Variants in PLPP4 observed in about 807,000 individuals in gnomAD.
PLPP4 encodes diacylglycerol pyrophosphate like 2.
In PLPP4, 20 loss-of-function variants were observed where a neutral mutation model predicts 32.2. The ratio of observed to expected loss-of-function variants is 0.62; its 90% confidence interval spans 0.44 to 0.90. The LOEUF is 0.90. Ranked by LOEUF, PLPP4 falls within the 40% of genes least tolerant of loss-of-function variation. The pLI is 0.00. For missense variants in PLPP4, 257 were observed against 353.1 expected (o/e 0.73, Z 2.18); for synonymous variants, 127 against 133.0 (o/e 0.95, Z 0.31).
chr10:120,543,381 CT>C (rs1252397435), intron 5 of PLPP4, among the ~76,000 whole-genome samples: 1 of 152,190 alleles, frequency 6.6e-6, no homozygotes, highest in African/African-American at 2.4e-5. Flanking sequence ...CCTGTTACCC[CT>C]GATAGCTCCT....
intron 5 of PLPP4, among the ~76,000 whole-genome samples, chr10:120,542,788 G>A (rs1420029750): frequency 1.3e-5 from 2 of 152,176 alleles, no homozygotes; most frequent in African/African-American, 4.8e-5. Context: ...AGTGACTGTC[G>A]ATGATGCTTC....
intron 1 of PLPP4, among the ~76,000 whole-genome samples, chr10:120,483,809 G>T (rs1033147285): frequency 6.6e-6 from 1 of 152,202 alleles, no homozygotes; most frequent in Non-Finnish European, 1.5e-5. Context: ...CTGGCCATGT[G>T]ATCTCTGCAC....
At chr10:120,558,295 G>T (rs118044862) in intron 5 of PLPP4, among the ~76,000 whole-genome samples, 2,213 of 151,926 alleles carry the variant, frequency 0.015, 33 homozygotes, top group Non-Finnish European at 0.017. Context: ...TTTACATAAA[G>T]GGAGTCACAC....
rs968261304 is a variant in PLPP4 at position 120,590,919 on chromosome 10, C to T, written c.*1417C>T. Among the ~76,000 whole-genome samples, 1 of 152,058 alleles carries T rather than the reference C, an allele frequency of 6.6e-6. No individual in the cohort carries two copies. Among genetic ancestry groups the T allele is most frequent in the Non-Finnish European group, 1.5e-5 (1 of 68,008 alleles). On this transcript the variant is annotated 3_prime_UTR_variant, in exon 7 of 7. Transcript: ENST00000398250. ...AAGTAGCTAGGACTACAGGTGCCCG[C>T]CACCACACCTGGCTAATTTTTGTAT...
At chr10:120,523,485 A>T (rs1390079695) in intron 5 of PLPP4, among the ~76,000 whole-genome samples, 3 of 151,914 alleles carry the variant, frequency 2.0e-5, no homozygotes, top group Non-Finnish European at 2.9e-5. Context: ...TTCCTTCTGT[A>T]TTGATTTTTT....
At chr10:120,461,527 C>G (rs35941698) in intron 1 of PLPP4, among the ~76,000 whole-genome samples, 2 of 152,056 alleles carry the variant, frequency 1.3e-5, no homozygotes, top group East Asian at 3.9e-4. Flanking sequence ...TCTGCAGGGT[C>G]CCCCTAGGAG....
intron 5 of PLPP4, among the ~76,000 whole-genome samples, chr10:120,560,678 C>T (rs1848392118): frequency 6.6e-6 from 1 of 152,064 alleles, no homozygotes; most frequent in Non-Finnish European, 1.5e-5. Flanking sequence ...TCATTTGAAC[C>T]CATGAGGCAG....
intron 1 of PLPP4, among the ~76,000 whole-genome samples, chr10:120,500,161 G>C (rs755136227): frequency 9.2e-5 from 14 of 152,166 alleles, no homozygotes; most frequent in Non-Finnish European, 2.1e-4. Context: ...AGGGTAGAGT[G>C]AGGGATTGTG....
At chr10:120,465,480 G>A (rs958574682) in intron 1 of PLPP4, among the ~76,000 whole-genome samples, 2 of 152,196 alleles carry the variant, frequency 1.3e-5, no homozygotes, top group Non-Finnish European at 2.9e-5. Context: ...TAAAGACAAA[G>A]CAGCAGAAAA....
At chr10:120,491,123 G>C (rs1844700185) in intron 1 of PLPP4, among the ~76,000 whole-genome samples, 2 of 152,146 alleles carry the variant, frequency 1.3e-5, no homozygotes, top group Admixed American at 6.6e-5. Context: ...AGGTCTCTGG[G>C]CTGCTGGCCC....
At position 120,542,426 on chromosome 10, in the gene PLPP4, C is replaced by T. The variant is rs1847390308; in HGVS notation, c.445+21331C>T. Among the ~76,000 whole-genome samples, 5 of 152,150 alleles carry T rather than the reference C, an allele frequency of 3.3e-5. No individual in the cohort carries two copies. The South Asian group carries it at 1.0e-3, about 32-fold the overall frequency. ...AATTTATGGAAGCAATTGTTAGAGA[C>T]ACAAAGGAAGCCTCTGGGTACAACT... is the stretch of plus-strand genomic sequence containing the variant. On this transcript the variant is annotated intron_variant, in intron 5 of 6. Transcript: ENST00000398250.
intron 6 of PLPP4, among the ~76,000 whole-genome samples, chr10:120,582,136 G>C (rs1485373859): frequency 6.6e-6 from 1 of 152,308 alleles, no homozygotes; most frequent in Non-Finnish European, 1.5e-5. Flanking sequence ...GGGTCCTACG[G>C]CTGCCATAGC....
chr10:120,462,899 A>G (rs549350203), intron 1 of PLPP4, among the ~76,000 whole-genome samples: 56 of 151,552 alleles, frequency 3.7e-4, no homozygotes, highest in African/African-American at 1.2e-3. Flanking sequence ...TGTAAGAGGG[A>G]GGGGGACTTT....
intron 1 of PLPP4, among the ~76,000 whole-genome samples, chr10:120,483,583 A>G (rs934423808): frequency 6.6e-6 from 1 of 152,196 alleles, no homozygotes; most frequent in Non-Finnish European, 1.5e-5. Flanking sequence ...AGATTCTGTG[A>G]TTTGAATATT....
intron 1 of PLPP4, among the ~76,000 whole-genome samples, chr10:120,477,903 T>C (rs1844011754): frequency 6.6e-6 from 1 of 152,204 alleles, no homozygotes; most frequent in South Asian, 2.1e-4. Context: ...ACAGGGGCCA[T>C]GGCTTGTCTG....
rs577954071 is a variant in PLPP4, at chr10:120,530,273, T to A, written c.445+9178T>A. Among the ~76,000 whole-genome samples the A allele has an allele frequency of 2.0e-5, 3 of 152,348 alleles. No individual in the cohort carries two copies. In the East Asian group the frequency reaches 5.8e-4, roughly 29 times the overall value. ...TTCCATAACACCGAAATCTCTCTTA[T>A]GTCCATGTCCAGTCAATCTTCATCC... On this transcript the variant is annotated intron_variant, in intron 5 of 6. Coordinates refer to ENST00000398250, the MANE Select transcript of PLPP4 (RefSeq NM_001030059.3).
chr10:120,580,910 T>G lies in PLPP4; in HGVS notation c.616+5609T>G, dbSNP rs757293704. On this transcript the variant is annotated intron_variant, in intron 6 of 6. Coordinates refer to ENST00000398250, the MANE Select transcript of PLPP4 (RefSeq NM_001030059.3). ...TTTCCCTCCACAGTTGGCTGCTGTG[T>G]ATGGCAGGGCCCACAGTCACATTTA... The G allele has an allele frequency of 3.3e-5, 43 of 1,289,202 alleles. No individual in the cohort carries two copies. In the Middle Eastern group the frequency reaches 8.5e-4, roughly 25 times the overall value. 79.9% of individuals were successfully genotyped at this position (1,289,202 alleles called of 1,614,324 possible).
chr10:120,547,875 T>G (rs1318015297), intron 5 of PLPP4, among the ~76,000 whole-genome samples: 2 of 152,162 alleles, frequency 1.3e-5, no homozygotes, highest in Non-Finnish European at 2.9e-5. Flanking sequence ...TCTCTAAGCT[T>G]TGATTTTCTA....
intron 1 of PLPP4, among the ~76,000 whole-genome samples, chr10:120,457,767 C>T (rs910894020): frequency 1.3e-5 from 2 of 152,178 alleles, no homozygotes; most frequent in Non-Finnish European, 2.9e-5. Flanking sequence ...GCCCCGTCTC[C>T]GATTCCTCCC....
Sources: gnomAD v4.1 joint callset for allele counts (sites outside exome capture counted in the v4.1 genomes callset) on GRCh38, gnomAD v4.1.1 for gene constraint, MANE v1.5 for transcripts, NCBI Gene and HGNC (gene_info 2026-07-23, HGNC 2026-07-21) for gene names.